UGGT2: variants seen among roughly 807,000 people sequenced by gnomAD.
UGGT2 encodes UDP-glucose glycoprotein glucosyltransferase 2, also known as UDP-glucose:glycoprotein glucosyltransferase 2.
A neutral mutation model predicts 192.1 loss-of-function variants in UGGT2; 180 were observed. The ratio of observed to expected loss-of-function variants is 0.94; its 90% CI spans 0.83 to 1.06. The LOEUF (loss-of-function observed/expected upper bound fraction) is 1.06, where lower values mean the gene tolerates loss of function less well. UGGT2 is among the 50% of genes least tolerant of loss of function. UGGT2 has a pLI of 0.00. For missense variants in UGGT2, 1,849 were observed against 1,795.7 expected (o/e 1.03, Z -0.54); for synonymous variants, 580 against 591.0 (o/e 0.98, Z 0.27).
In UGGT2 at chr13:95,936,930, A is replaced by C. The variant is rs758333253; in HGVS notation, c.1971T>G (p.Val657=). Residue 657 remains valine (V), a synonymous_variant, in exon 17 of 39, where the codon GTT becomes GTG. Transcript: ENST00000376747. ...MDASVYLQRE[V]FLGTLNDRTN... ...CTTATAAATGCTTACCTACCAAAAA[A>C]ACTTCTCTTTGTAAATATACAGATG... The C allele has an allele frequency of 2.6e-6, 4 of 1,525,270 alleles. No individual in the cohort carries two copies. The highest frequency in any genetic ancestry group is 2.4e-5 in the Admixed American group (1 of 42,140). The allele number at this position is 1,525,270 out of a possible 1,614,324, so 94.5% of individuals were successfully genotyped here. A position where few individuals can be genotyped will look rare whatever the true frequency, so the allele number is the denominator to read the frequency against.
At chr13:95,903,831 A>G (rs1042234757) in intron 20 of UGGT2, among the ~76,000 whole-genome samples, 1 of 152,222 alleles carries the variant, frequency 6.6e-6, no homozygotes, top group Non-Finnish European at 1.5e-5. Context: ...CTAGCAACAG[A>G]TAACAAACAG....
chr13:95,829,237 G>A (rs941785419), intron 38 of UGGT2, among the ~76,000 whole-genome samples: 3 of 152,162 alleles, frequency 2.0e-5, no homozygotes, highest in African/African-American at 7.2e-5. Flanking sequence ...AAAACTGGAA[G>A]CATTCCCTTT....
At chr13:95,815,602 C>T (rs917523695) in intron 38 of UGGT2, among the ~76,000 whole-genome samples, 4 of 152,078 alleles carry the variant, frequency 2.6e-5, no homozygotes, top group African/African-American at 9.7e-5. Flanking sequence ...ATTGGAAGCT[C>T]AACATAATCA....
chr13:95,876,291 C>A (rs1891672045), intron 29 of UGGT2, among the ~76,000 whole-genome samples: 1 of 152,088 alleles, frequency 6.6e-6, no homozygotes, highest in South Asian at 2.1e-4. Flanking sequence ...ATTAAATGAT[C>A]AAAATATCAA....
intron 17 of UGGT2, among the ~76,000 whole-genome samples, chr13:95,934,222 T>C (rs950750003): frequency 6.6e-6 from 1 of 152,226 alleles, no homozygotes; most frequent in Non-Finnish European, 1.5e-5. Context: ...CTGTGGTCCA[T>C]GAGTATGACT....
chr13:95,836,134 T>C (rs1257118053), intron 37 of UGGT2, among the ~76,000 whole-genome samples: 2 of 152,134 alleles, frequency 1.3e-5, no homozygotes, highest in Non-Finnish European at 2.9e-5. Context: ...CTGCAACCTC[T>C]GCCTCCCAGG....
chr13:95,849,605 T>C (rs2035030028), intron 36 of UGGT2, among the ~76,000 whole-genome samples: 1 of 151,686 alleles, frequency 6.6e-6, no homozygotes, highest in African/African-American at 2.4e-5. Flanking sequence ...AATAACTTTC[T>C]TTTATTATAT....
chr13:95,902,875 T>C lies in UGGT2; in HGVS notation c.2481A>G (p.Lys827=), dbSNP rs779726056. The C allele has an allele frequency of 8.1e-6, 13 of 1,612,908 alleles. No homozygotes were observed. The highest frequency in any genetic ancestry group is 1.0e-5 in the Non-Finnish European group (12 of 1,179,454). Residue 827 remains lysine (K), a synonymous_variant, in exon 21 of 39, where the codon AAA becomes AAG. Transcript: ENST00000376747. ...EIATAIYSGD[K]IKTFLIEGMD... ...TGACCTCAATAAGGAATGTTTTAAT[T>C]TTATCTCCAGAGTAAATAGCTGTAG... is the stretch of plus-strand genomic sequence containing the variant.
chr13:95,905,763 T>A (rs2048268858), intron 20 of UGGT2, among the ~76,000 whole-genome samples: 1 of 152,210 alleles, frequency 6.6e-6, no homozygotes, highest in South Asian at 2.1e-4. Context: ...TGGCTTAGGA[T>A]TGACTTGGTG....
intron 38 of UGGT2, among the ~76,000 whole-genome samples, chr13:95,819,811 C>T (rs1885308587): frequency 1.3e-5 from 2 of 152,128 alleles, no homozygotes; most frequent in South Asian, 4.1e-4. Flanking sequence ...ACTGAGCTAA[C>T]ACAATGTAGA....
Position 95,856,162 on chromosome 13 carries a change from T to C in UGGT2, c.4004A>G (p.Asp1335Gly). Reference protein sequence around the residue: ...AVDKIIFVDADQIVRHDLKEL... With the variant: ...AVDKIIFVDAGQIVRHDLKEL... ...AATAGTAGTTAACCTTATTACCTGG[T>C]CAGCATCAACAAAAATGATTTTGTC... is the stretch of plus-strand genomic sequence containing the variant. Residue 1335 changes from aspartate to glycine, a missense_variant, in exon 34 of 39, where the codon GAC becomes GGC. Coordinates refer to ENST00000376747, the MANE Select transcript of UGGT2 (RefSeq NM_020121.4). 1 of 1,610,598 alleles carries C rather than the reference T, an allele frequency of 6.2e-7. No homozygotes were observed. The highest frequency in any genetic ancestry group is 8.5e-7 in the Non-Finnish European group (1 of 1,178,918).
chr13:95,981,772 C>T (rs886205649), intron 10 of UGGT2, among the ~76,000 whole-genome samples: 1 of 152,202 alleles, frequency 6.6e-6, no homozygotes, highest in Non-Finnish European at 1.5e-5. Flanking sequence ...AATGCAATTG[C>T]AATGAATAGT....
At chr13:95,869,571 C>T (rs1359879634) in intron 29 of UGGT2, among the ~76,000 whole-genome samples, 1 of 152,206 alleles carries the variant, frequency 6.6e-6, no homozygotes, top group Non-Finnish European at 1.5e-5. Context: ...TAGATGCTCA[C>T]TCACTTAATC....
intron 30 of UGGT2, among the ~76,000 whole-genome samples, chr13:95,866,500 T>A (rs1890669564): frequency 6.6e-6 from 1 of 152,160 alleles, no homozygotes; most frequent in Admixed American, 6.6e-5. Context: ...CTATATCCTA[T>A]CCATCTGGAA....
At chr13:96,036,197 T>C (rs1466715752) in intron 1 of UGGT2, among the ~76,000 whole-genome samples, 1 of 152,216 alleles carries the variant, frequency 6.6e-6, no homozygotes, top group Non-Finnish European at 1.5e-5. Context: ...ATGTGGTATA[T>C]ATACACTACA....
intron 20 of UGGT2, among the ~76,000 whole-genome samples, chr13:95,911,839 A>C (rs1429863444): frequency 6.6e-6 from 1 of 152,222 alleles, no homozygotes; most frequent in Non-Finnish European, 1.5e-5. Context: ...AATCCTCAAT[A>C]AAATACTGGC....
At chr13:95,834,909 C>G (rs937107870) in intron 37 of UGGT2, among the ~76,000 whole-genome samples, 1 of 152,106 alleles carries the variant, frequency 6.6e-6, no homozygotes, top group Non-Finnish European at 1.5e-5. Context: ...GAAAACCATA[C>G]ACATAATTTG....
chr13:96,032,629 G>A (rs2052872039), intron 1 of UGGT2, among the ~76,000 whole-genome samples: 1 of 152,148 alleles, frequency 6.6e-6, no homozygotes, highest in Admixed American at 6.5e-5. Flanking sequence ...CAAAACACTA[G>A]AGAGCTAAAA....
intron 20 of UGGT2, among the ~76,000 whole-genome samples, chr13:95,907,122 G>A (rs915425033): frequency 3.9e-5 from 6 of 152,176 alleles, no homozygotes; most frequent in East Asian, 3.9e-4. Flanking sequence ...TGCCCGACAC[G>A]GCAGGTCCCA....
Sources: gnomAD v4.1 joint callset for allele counts (sites outside exome capture counted in the v4.1 genomes callset) on GRCh38, gnomAD v4.1.1 for gene constraint, MANE v1.5 for transcripts, NCBI Gene and HGNC (gene_info 2026-07-23, HGNC 2026-07-21) for gene names.